SYN3: variants seen among roughly 807,000 people sequenced by gnomAD.
The protein encoded by SYN3 is synapsin III.
Under a neutral mutation model 65.8 loss-of-function variants are expected in SYN3, and 35 were observed. The ratio of observed to expected loss-of-function variants is 0.53; its 90% CI spans 0.41 to 0.70. The LOEUF (loss-of-function observed/expected upper bound fraction) is 0.70, where lower values mean the gene tolerates loss of function less well. Among genes scored for constraint, SYN3 ranks in the 30% least tolerant of loss-of-function variants. The pLI, the probability that SYN3 is intolerant of heterozygous loss-of-function variation, is 0.00. For synonymous variants in SYN3, 270 were observed against 292.9 expected (o/e 0.92, Z 0.80); for missense variants, 680 against 749.0 (o/e 0.91, Z 1.08).
At chr22:32,594,896 G>A (rs1183985710) in intron 7 of SYN3, among the ~76,000 whole-genome samples, 1 of 152,196 alleles carries the variant, frequency 6.6e-6, no homozygotes, top group Non-Finnish European at 1.5e-5. Context: ...TCACGTCTGG[G>A]TGGGCCTACT....
intron 4 of SYN3, among the ~76,000 whole-genome samples, chr22:32,920,274 G>A (rs150788674): frequency 3.3e-4 from 51 of 152,250 alleles, no homozygotes; most frequent in Admixed American, 2.0e-3. Context: ...TTCATTCTTG[G>A]TTTCTCCTGC....
At chr22:32,533,016 G>A (rs2058103686) in intron 10 of SYN3, among the ~76,000 whole-genome samples, 2 of 151,988 alleles carry the variant, frequency 1.3e-5, no homozygotes, top group Admixed American at 1.3e-4. Flanking sequence ...GGGACGGGAG[G>A]GCTGTGGGAC....
intron 7 of SYN3, among the ~76,000 whole-genome samples, chr22:32,570,311 C>A (rs1197706375): frequency 6.6e-6 from 1 of 152,166 alleles, no homozygotes; most frequent in Non-Finnish European, 1.5e-5. Context: ...TGTCTGGCTC[C>A]CTTGTGAAAT....
intron 7 of SYN3, among the ~76,000 whole-genome samples, chr22:32,595,927 A>G (rs1000153174): frequency 3.3e-5 from 5 of 152,146 alleles, no homozygotes; most frequent in African/African-American, 1.2e-4. Flanking sequence ...AAATACAAAA[A>G]TTAGCCAGGT....
At chr22:32,972,046 T>C (rs1336829556) in intron 3 of SYN3, among the ~76,000 whole-genome samples, 1 of 152,088 alleles carries the variant, frequency 6.6e-6, no homozygotes, top group African/African-American at 2.4e-5. Flanking sequence ...AGATGTGACC[T>C]TGGAAGAGGC....
intron 4 of SYN3, among the ~76,000 whole-genome samples, chr22:32,906,792 A>G (rs1183472965): frequency 6.6e-6 from 1 of 152,170 alleles, no homozygotes; most frequent in Non-Finnish European, 1.5e-5. Flanking sequence ...TTTGCTGAGA[A>G]TGATGGCTTC....
At chr22:32,939,998 TC>T (rs1395996012) in intron 3 of SYN3, among the ~76,000 whole-genome samples, 5 of 152,234 alleles carry the variant, frequency 3.3e-5, no homozygotes, top group Non-Finnish European at 5.9e-5. Flanking sequence ...TTGCTCTGTG[TC>T]TTTTTCAACA....
intron 6 of SYN3, among the ~76,000 whole-genome samples, chr22:32,705,832 G>A (rs1473293435): frequency 6.6e-6 from 1 of 152,188 alleles, no homozygotes; most frequent in Non-Finnish European, 1.5e-5. Flanking sequence ...GAATGGGACT[G>A]TGTTCCTGAT....
At chr22:32,855,263 TG>T (rs1454074596) in intron 6 of SYN3, among the ~76,000 whole-genome samples, 1 of 152,206 alleles carries the variant, frequency 6.6e-6, no homozygotes, top group Non-Finnish European at 1.5e-5. Context: ...GTAATACTCA[TG>T]GACTTGACCT....
At chr22:32,592,573 C>T (rs141788370) in intron 7 of SYN3, among the ~76,000 whole-genome samples, 1 of 152,274 alleles carries the variant, frequency 6.6e-6, no homozygotes, top group East Asian at 1.9e-4. Context: ...CAGGCACACC[C>T]AATCACATGC....
chr22:32,970,706 T>C (rs1449306315), intron 3 of SYN3, among the ~76,000 whole-genome samples: 3 of 151,928 alleles, frequency 2.0e-5, no homozygotes, highest in Non-Finnish European at 2.9e-5. Flanking sequence ...ATAATAACCA[T>C]TGGGGTTAGT....
In SYN3 at chr22:32,962,801, CATCTATCTATCTATCT is replaced by C. The variant is rs56349346; in HGVS notation, c.369+17828_369+17843del. Among the ~76,000 whole-genome samples, 1,345 of 146,564 alleles carry C rather than the reference CATCTATCTATCTATCT, an allele frequency of 9.2e-3. 17 individuals are homozygous for C. Among genetic ancestry groups the C allele is most frequent in the African/African-American group, 0.017 (697 of 39,890 alleles). On this transcript the variant is annotated intron_variant, in intron 3 of 13. Coordinates refer to ENST00000358763, the MANE Select transcript of SYN3 (RefSeq NM_003490.4). The stretch of plus-strand genomic sequence containing the variant: ...TAGTAAAGTCTTGGCAGAGTATCGG[CATCTATCTATCTATCT>C]ATCTATCTATCTATCTATCTATCTA...
intron 3 of SYN3, among the ~76,000 whole-genome samples, chr22:32,964,639 A>G (rs565078985): frequency 6.6e-5 from 10 of 152,252 alleles, no homozygotes; most frequent in African/African-American, 2.4e-4. Flanking sequence ...CCAAGCCTCA[A>G]TTTCCTCATC....
intron 7 of SYN3, among the ~76,000 whole-genome samples, chr22:32,559,205 C>T (rs2058547894): frequency 6.6e-6 from 1 of 152,186 alleles, no homozygotes; most frequent in African/African-American, 2.4e-5. Context: ...CAACTACGTC[C>T]GTCTGACTCT....
At chr22:33,028,643 ATGG>A (rs133971) in intron 1 of SYN3, among the ~76,000 whole-genome samples, 1,739 of 93,080 alleles carry the variant, frequency 0.019, 21 homozygotes, top group Middle Eastern at 0.031. Flanking sequence ...AAGAACCATG[ATGG>A]TGGTGGTGGT....
rs773875523 is a variant in SYN3, at chr22:32,767,727, AG to A, written c.711+97187del. Among the ~76,000 whole-genome samples, 330 of 152,156 alleles carry A rather than the reference AG, an allele frequency of 2.2e-3. 1 individual carries two copies. The highest frequency in any genetic ancestry group is 3.9e-3 in the Non-Finnish European group (262 of 68,012). ...GTAGACTGTAATCTTTCTTTCTCTGAGAACATTTAGGATTTTCTCTTTAGAG... is the reference window on the plus strand; with the variant it reads ...GTAGACTGTAATCTTTCTTTCTCTGAAACATTTAGGATTTTCTCTTTAGAG... On this transcript the variant is annotated intron_variant, in intron 6 of 13. Coordinates refer to ENST00000358763, the MANE Select transcript of SYN3 (RefSeq NM_003490.4).
At chr22:32,799,153 G>A (rs148203613) in intron 6 of SYN3, among the ~76,000 whole-genome samples, 17 of 152,298 alleles carry the variant, frequency 1.1e-4, no homozygotes, top group African/African-American at 3.9e-4. Flanking sequence ...ACTCCCCTAC[G>A]CAAGGATTCA....
At chr22:32,707,681 T>TG (rs11379058) in intron 6 of SYN3, among the ~76,000 whole-genome samples, 43,839 of 151,946 alleles carry the variant, frequency 0.29, 9,173 homozygotes, top group East Asian at 0.66. Context: ...GAAATGGAGA[T>TG]TTTTTCCCTT....
chr22:32,843,103 G>C (rs994251355), intron 6 of SYN3, among the ~76,000 whole-genome samples: 2 of 151,992 alleles, frequency 1.3e-5, no homozygotes, highest in Non-Finnish European at 2.9e-5. Flanking sequence ...CCCCCACTAG[G>C]ATGCAAAACT....
Sources: gnomAD v4.1 joint callset for allele counts (sites outside exome capture counted in the v4.1 genomes callset) on GRCh38, gnomAD v4.1.1 for gene constraint, MANE v1.5 for transcripts, NCBI Gene and HGNC (gene_info 2026-07-23, HGNC 2026-07-21) for gene names.